Variants in ATXN10 observed in about 807,000 individuals in gnomAD.
ATXN10 encodes ataxin 10.
Under a neutral mutation model 52.9 loss-of-function variants are expected in ATXN10, and 28 were observed. The observed-to-expected ratio is 0.53, with a 90% CI of 0.39 to 0.73. The LOEUF is 0.73. Ranked by LOEUF, ATXN10 falls within the 30% of genes least tolerant of loss-of-function variation. ATXN10 has a pLI of 0.00. For synonymous variants in ATXN10, 226 were observed against 221.5 expected (o/e 1.02, Z -0.18); for missense variants, 565 against 577.0 (o/e 0.98, Z 0.21).
chr22:45,838,471 A>G (rs557840647), intron 10 of ATXN10, among the ~76,000 whole-genome samples: 12 of 152,212 alleles, frequency 7.9e-5, no homozygotes, highest in African/African-American at 1.2e-4. Context: ...CATGCCTTCT[A>G]TTTGTAGTAG....
intron 10 of ATXN10, among the ~76,000 whole-genome samples, chr22:45,814,464 T>C (rs73441924): frequency 0.014 from 2,087 of 152,248 alleles, 50 homozygotes; most frequent in African/African-American, 0.047. Flanking sequence ...GCCCCAACAA[T>C]ACTCAGTGAT....
rs955493822 is a variant in ATXN10 at position 45,824,007 on chromosome 22, T to A, written c.1237+16985T>A. 6.6e-6 allele frequency among the ~76,000 whole-genome samples: 1 copy of A among 152,174 alleles called. No individual in the cohort carries two copies. The highest frequency in any genetic ancestry group is 2.4e-5 in the African/African-American group (1 of 41,432). ...AAAGCACATCATGTTTACTTCTTCGTTTTTTGTTTGTTTGTTTGTTTTGGT... is the reference window on the plus strand; with the variant it reads ...AAAGCACATCATGTTTACTTCTTCGATTTTTGTTTGTTTGTTTGTTTTGGT... On this transcript the variant is annotated intron_variant, in intron 10 of 11. Coordinates refer to ENST00000252934, the MANE Select transcript of ATXN10 (RefSeq NM_013236.4). The surrounding 1 kb of genome is among the most constrained non-coding windows in gnomAD (Gnocchi z 5.2).
intron 6 of ATXN10, among the ~76,000 whole-genome samples, chr22:45,719,944 A>C (rs1411395513): frequency 6.6e-6 from 1 of 152,168 alleles, no homozygotes; most frequent in African/African-American, 2.4e-5. Context: ...CTTATTCTTC[A>C]TTCCACATTT....
chr22:45,734,135 G>A (rs536355936), intron 7 of ATXN10, among the ~76,000 whole-genome samples: 9 of 151,734 alleles, frequency 5.9e-5, no homozygotes, highest in African/African-American at 9.7e-5. Flanking sequence ...TACAAATTTC[G>A]GTTAAGTAAA....
intron 7 of ATXN10, 74 bp downstream of exon 7, chr22:45,729,664 G>A (rs1407400511): frequency 6.0e-6 from 9 of 1,509,212 alleles, no homozygotes; most frequent in Non-Finnish European, 7.3e-6. Flanking sequence ...AGTCCTGTAT[G>A]AGAATTCTTT....
rs755569219 is a variant in ATXN10 at position 45,759,507 on chromosome 22, T to TCAAA, written c.1173+18982_1173+18985dup. Reference sequence around the variant, plus strand: ...AGCCTGGGCAGAGCAAGACTCCGTGTCAAACAAACAAACAAAAAAGATTCT... The same window carrying TCAAA: ...AGCCTGGGCAGAGCAAGACTCCGTGTCAAACAAACAAACAAACAAAAAAGATTCT... On this transcript the variant is annotated intron_variant, in intron 9 of 11. Coordinates refer to ENST00000252934, the MANE Select transcript of ATXN10 (RefSeq NM_013236.4). The surrounding 1 kb of genome is among the most constrained non-coding windows in gnomAD (Gnocchi z 5.4). Among the ~76,000 whole-genome samples, 1 of 152,180 alleles carries TCAAA rather than the reference T, an allele frequency of 6.6e-6. No individual in the cohort carries two copies. Among genetic ancestry groups the TCAAA allele is most frequent in the Middle Eastern group, 3.4e-3 (1 of 294 alleles).
chr22:45,763,018 GC>G lies in ATXN10; in HGVS notation c.1173+22481del, dbSNP rs1926453921. Among the ~76,000 whole-genome samples, 1 of 152,194 alleles carries G rather than the reference GC, an allele frequency of 6.6e-6. No homozygotes were observed. Among genetic ancestry groups the G allele is most frequent in the African/African-American group, 2.4e-5 (1 of 41,432 alleles). ...GAATGCACAGAAGCATTTAAGAAGC[GC>G]TTTGTAAAGCCATGGCCTCTCCTGC... On this transcript the variant is annotated intron_variant, in intron 9 of 11. Coordinates refer to ENST00000252934, the MANE Select transcript of ATXN10 (RefSeq NM_013236.4). This position sits in a 1 kb window ranked among gnomAD's most constrained non-coding sequence, Gnocchi z 6.9.
At chr22:45,722,506 CT>C (rs1292001959) in intron 6 of ATXN10, among the ~76,000 whole-genome samples, 2 of 152,218 alleles carry the variant, frequency 1.3e-5, no homozygotes, top group African/African-American at 4.8e-5. Context: ...TTGACTGCTT[CT>C]TTCCTTTGAA....
intron 9 of ATXN10, among the ~76,000 whole-genome samples, chr22:45,799,924 A>G (rs1030242777): frequency 1.3e-5 from 2 of 152,230 alleles, no homozygotes; most frequent in African/African-American, 2.4e-5. Flanking sequence ...TTTTTCAACA[A>G]TGGCACTGGA....
rs1182755267 is a variant in ATXN10, at chr22:45,818,617, C to A, written c.1237+11595C>A. 6.6e-6 allele frequency among the ~76,000 whole-genome samples: 1 copy of A among 151,246 alleles called. No homozygotes were observed. The highest frequency in any genetic ancestry group is 1.5e-5 in the Non-Finnish European group (1 of 67,976). On this transcript the variant is annotated intron_variant, in intron 10 of 11. Transcript: ENST00000252934. The surrounding 1 kb of genome is among the most constrained non-coding windows in gnomAD (Gnocchi z 4.6). The stretch of plus-strand genomic sequence containing the variant: ...GACCGGGGCAGGGATCAGGGATCAA[C>A]AGCCTGGGGCAGGGATCAGGGATCA...
chr22:45,699,193 A>G (rs1601594787), intron 3 of ATXN10, among the ~76,000 whole-genome samples: 1 of 152,174 alleles, frequency 6.6e-6, no homozygotes, highest in South Asian at 2.1e-4. Flanking sequence ...GAGGGTCTTC[A>G]TAACATTTGC....
chr22:45,694,940 CAAAAAAAAA>C lies in ATXN10; in HGVS notation c.391+1880_391+1888del, dbSNP rs748780048. On this transcript the variant is annotated intron_variant, in intron 3 of 11. Coordinates refer to ENST00000252934, the MANE Select transcript of ATXN10 (RefSeq NM_013236.4). Reference sequence around the variant, plus strand: ...TGGGTGACAGAGCAAGACTCTGTCTCAAAAAAAAAAAAAAAAAAAAAAAAAACAAAACCC... The same window carrying C: ...TGGGTGACAGAGCAAGACTCTGTCTCAAAAAAAAAAAAAAAAACAAAACCC... 1.8e-3 allele frequency among the ~76,000 whole-genome samples: 40 copies of C among 21,916 alleles called. 1 individual carries two copies. The highest frequency in any genetic ancestry group is 5.4e-3 in the African/African-American group (37 of 6,866). 14.4% of individuals were successfully genotyped at this position (21,916 alleles called of 152,430 possible).
chr22:45,718,378 C>T lies in ATXN10; in HGVS notation c.648-35C>T, dbSNP rs1475687233. The stretch of plus-strand genomic sequence containing the variant: ...AGGGCATGTCTCTTTTACTATGTTT[C>T]AAGTAACCAAACTTTCCTCCTCTTT... On this transcript the variant is annotated intron_variant, in intron 5 of 11. Coordinates refer to ENST00000252934, the MANE Select transcript of ATXN10 (RefSeq NM_013236.4). This position sits in a 1 kb window ranked among gnomAD's most constrained non-coding sequence, Gnocchi z 4.4. 4 of 1,530,834 alleles carry T rather than the reference C, an allele frequency of 2.6e-6. No individual in the cohort carries two copies. Among genetic ancestry groups the T allele is most frequent in the Non-Finnish European group, 3.6e-6 (4 of 1,104,246 alleles). The allele number at this position is 1,530,834 out of a possible 1,614,324, so 94.8% of individuals were successfully genotyped here.
chr22:45,752,674 C>T (rs1263672716), intron 9 of ATXN10, among the ~76,000 whole-genome samples: 1 of 151,852 alleles, frequency 6.6e-6, no homozygotes, highest in Admixed American at 6.6e-5. Flanking sequence ...CCATTTTCAG[C>T]GTTAGTAGAT....
intron 1 of ATXN10, chr22:45,674,618 G>A (rs1318355485): frequency 6.6e-6 from 1 of 152,280 alleles, no homozygotes; most frequent in Non-Finnish European, 1.5e-5. Context: ...CTGTTGTCTA[G>A]TATGAACAGG....
Position 45,780,963 on chromosome 22 carries a change from G to A in ATXN10, c.1174-25996G>A, listed in dbSNP as rs150771627. ...GAAACGATAAGGTGGCAAGTTCCCT[G>A]GGTTTTCTCAGACTGATTAATGTTA... On this transcript the variant is annotated intron_variant, in intron 9 of 11. Coordinates refer to ENST00000252934, the MANE Select transcript of ATXN10 (RefSeq NM_013236.4). This position sits in a 1 kb window ranked among gnomAD's most constrained non-coding sequence, Gnocchi z 4.0. Among the ~76,000 whole-genome samples, 197 of 152,264 alleles carry A rather than the reference G, an allele frequency of 1.3e-3. No individual in the cohort carries two copies. Among genetic ancestry groups the A allele is most frequent in the African/African-American group, 4.3e-3 (180 of 41,562 alleles).
intron 2 of ATXN10, 96 bp downstream of exon 2, chr22:45,689,999 A>G: frequency 1.5e-6 from 2 of 1,312,944 alleles, no homozygotes; most frequent in Non-Finnish European, 2.2e-6. Context: ...TGGGCTGGGT[A>G]AGGTGGCTCA....
rs753253888 is a variant in ATXN10, at chr22:45,757,707, T to TA, written c.1173+17170dup. ...CAATACATTTTTCATATGCTGACCT[T>TA]ATAAGTCATATTGTTTTGAAATTAT... is the stretch of plus-strand genomic sequence containing the variant. On this transcript the variant is annotated intron_variant, in intron 9 of 11. Coordinates refer to ENST00000252934, the MANE Select transcript of ATXN10 (RefSeq NM_013236.4). The surrounding 1 kb of genome is among the most constrained non-coding windows in gnomAD (Gnocchi z 4.6). Among the ~76,000 whole-genome samples, 15 of 152,206 alleles carry TA rather than the reference T, an allele frequency of 9.9e-5. No homozygotes were observed. Among genetic ancestry groups the TA allele is most frequent in the Non-Finnish European group, 2.1e-4 (14 of 68,030 alleles).
intron 10 of ATXN10, among the ~76,000 whole-genome samples, chr22:45,839,171 G>A (rs1000792804): frequency 2.0e-5 from 3 of 152,238 alleles, no homozygotes; most frequent in East Asian, 1.9e-4. Flanking sequence ...TCTCAAGGCC[G>A]TGAAAGGGAG....
Sources: gnomAD v4.1 joint callset for allele counts (sites outside exome capture counted in the v4.1 genomes callset) on GRCh38, gnomAD v4.1.1 for gene constraint, Gnocchi (gnomAD v3.1) non-coding constraint, MANE v1.5 for transcripts, NCBI Gene and HGNC (gene_info 2026-07-23, HGNC 2026-07-21) for gene names.